The following BTBD9 variants were observed in gnomAD, a reference collection of about 807,000 sequenced individuals.
BTBD9 encodes the protein BTB domain containing 9, also known as BTB/POZ domain-containing protein 9.
BTBD9 carries 49 observed loss-of-function variants against 64.3 expected under a neutral mutation model. The ratio of observed to expected loss-of-function variants is 0.76; its 90% confidence interval spans 0.61 to 0.97. The LOEUF (loss-of-function observed/expected upper bound fraction) is 0.97, where lower values mean the gene tolerates loss of function less well. Among genes scored for constraint, BTBD9 ranks in the 50% least tolerant of loss-of-function variants. BTBD9 has a pLI of 0.00. For synonymous variants in BTBD9, 260 were observed against 274.7 expected (o/e 0.95, Z 0.53); for missense variants, 598 against 762.1 (o/e 0.78, Z 2.53).
intron 9 of BTBD9, among the ~76,000 whole-genome samples, chr6:38,247,319 CTCTT>C (rs1293626828): frequency 4.6e-5 from 7 of 152,126 alleles, no homozygotes. Flanking sequence ...AAATATTTTC[CTCTT>C]TCTACCATTC....
At chr6:38,555,243 C>T (rs1774963994) in intron 6 of BTBD9, among the ~76,000 whole-genome samples, 1 of 152,192 alleles carries the variant, frequency 6.6e-6, no homozygotes, top group Admixed American at 6.5e-5. Flanking sequence ...CTCTAACTCT[C>T]CTTGCCTGTG....
In BTBD9 at chr6:38,240,306, G is replaced by A. The variant is rs140754460; in HGVS notation, c.1562+16103C>T. Among the ~76,000 whole-genome samples, 841 of 152,342 alleles carry A rather than the reference G, an allele frequency of 5.5e-3. 9 individuals carry two copies. Among genetic ancestry groups the A allele is most frequent in the Middle Eastern group, 0.017 (5 of 294 alleles). On this transcript the variant is annotated intron_variant, in intron 9 of 10. Coordinates refer to ENST00000481247, the MANE Select transcript of BTBD9 (RefSeq NM_001099272.2). Reference sequence around the variant, plus strand: ...ATGCCTCTATTTGCATTGGGATCAAGGCCCCTCAGTCTCAGCTGGTCCTGA... The same window carrying A: ...ATGCCTCTATTTGCATTGGGATCAAAGCCCCTCAGTCTCAGCTGGTCCTGA...
At chr6:38,281,020 C>G (rs1761492408) in intron 8 of BTBD9, among the ~76,000 whole-genome samples, 1 of 152,136 alleles carries the variant, frequency 6.6e-6, no homozygotes, top group Non-Finnish European at 1.5e-5. Flanking sequence ...TATCTGTGGT[C>G]CTACTAGAGA....
intron 8 of BTBD9, among the ~76,000 whole-genome samples, chr6:38,276,659 T>C (rs1456356802): frequency 6.6e-6 from 1 of 152,206 alleles, no homozygotes; most frequent in African/African-American, 2.4e-5. Context: ...ATACTCATTA[T>C]ACTCCTAACA....
At chr6:38,540,770 G>A (rs1467502576) in intron 6 of BTBD9, among the ~76,000 whole-genome samples, 2 of 152,220 alleles carry the variant, frequency 1.3e-5, no homozygotes. Context: ...CGACTAGCAG[G>A]AGAGCTTCAG....
intron 9 of BTBD9, among the ~76,000 whole-genome samples, chr6:38,246,622 G>C (rs902431777): frequency 2.7e-5 from 4 of 146,332 alleles, no homozygotes; most frequent in Middle Eastern, 3.3e-3. Flanking sequence ...AAACAGAAAA[G>C]AACATGACTG....
At chr6:38,231,749 T>G (rs1763613189) in intron 9 of BTBD9, among the ~76,000 whole-genome samples, 2 of 152,238 alleles carry the variant, frequency 1.3e-5, no homozygotes, top group Non-Finnish European at 2.9e-5. Flanking sequence ...AGCAGTGCTG[T>G]GGCCTAGCCG....
chr6:38,580,165 A>C (rs931905545), intron 5 of BTBD9, 53 bp downstream of exon 5: 14 of 1,526,086 alleles, frequency 9.2e-6, no homozygotes, highest in Non-Finnish European at 9.9e-6. Context: ...ATGACCACAA[A>C]GCTAAGTCAT....
At chr6:38,361,369 C>A (rs920694257) in intron 6 of BTBD9, among the ~76,000 whole-genome samples, 4 of 151,638 alleles carry the variant, frequency 2.6e-5, no homozygotes, top group Admixed American at 1.3e-4. Context: ...CATAGCAAGA[C>A]CCTGTCTTTA....
At chr6:38,286,744 G>A (rs9394485) in intron 8 of BTBD9, among the ~76,000 whole-genome samples, 13,991 of 151,946 alleles carry the variant, frequency 0.092, 1,539 homozygotes, top group East Asian at 0.39. Context: ...AATGCTTATC[G>A]CCTAGTGATA....
At chr6:38,324,412 T>G (rs984179573) in intron 7 of BTBD9, among the ~76,000 whole-genome samples, 1 of 152,178 alleles carries the variant, frequency 6.6e-6, no homozygotes, top group African/African-American at 2.4e-5. Context: ...CATTAGAACA[T>G]CTATCATTTC....
At chr6:38,397,868 A>G (rs1054684547) in intron 6 of BTBD9, among the ~76,000 whole-genome samples, 2 of 152,250 alleles carry the variant, frequency 1.3e-5, no homozygotes, top group African/African-American at 4.8e-5. Context: ...GGACAAACAA[A>G]GCATTCTTGT....
chr6:38,188,678 C>A (rs986903376), intron 10 of BTBD9, among the ~76,000 whole-genome samples: 11 of 152,210 alleles, frequency 7.2e-5, no homozygotes, highest in African/African-American at 2.7e-4. Flanking sequence ...GCTTGTGTCC[C>A]TCCCAAATTC....
chr6:38,607,102 T>C (rs1178289475), intron 1 of BTBD9, among the ~76,000 whole-genome samples: 1 of 152,230 alleles, frequency 6.6e-6, no homozygotes, highest in Non-Finnish European at 1.5e-5. Context: ...GGAAAGATTA[T>C]ACATACATGT....
chr6:38,378,152 T>G (rs1286453993), intron 6 of BTBD9, among the ~76,000 whole-genome samples: 3 of 152,110 alleles, frequency 2.0e-5, no homozygotes, highest in Admixed American at 1.3e-4. Flanking sequence ...CATCTATCAT[T>G]GACAGGATTT....
chr6:38,577,019 G>C (rs1267934879), intron 6 of BTBD9, among the ~76,000 whole-genome samples: 4 of 152,194 alleles, frequency 2.6e-5, no homozygotes, highest in African/African-American at 9.7e-5. Context: ...TGCTCTGGCT[G>C]AAGAGAAGCT....
At chr6:38,416,068 C>T (rs1767650993) in intron 6 of BTBD9, among the ~76,000 whole-genome samples, 1 of 152,130 alleles carries the variant, frequency 6.6e-6, no homozygotes, top group South Asian at 2.1e-4. Flanking sequence ...AGGAAAATTA[C>T]ACTTAACAGA....
chr6:38,348,028 T>G (rs1764355558), intron 6 of BTBD9, among the ~76,000 whole-genome samples: 1 of 151,900 alleles, frequency 6.6e-6, no homozygotes, highest in Non-Finnish European at 1.5e-5. Context: ...AAAGGCGCTG[T>G]CCAGCACAGG....
intron 7 of BTBD9, among the ~76,000 whole-genome samples, chr6:38,303,429 TAA>T (rs913593353): frequency 6.6e-6 from 1 of 152,172 alleles, no homozygotes; most frequent in Non-Finnish European, 1.5e-5. Context: ...ATTGGTTTTT[TAA>T]AAGTTTCACA....
Sources: gnomAD v4.1 joint callset for allele counts (sites outside exome capture counted in the v4.1 genomes callset) on GRCh38, gnomAD v4.1.1 for gene constraint, MANE v1.5 for transcripts, NCBI Gene and HGNC (gene_info 2026-07-23, HGNC 2026-07-21) for gene names.